Variants in UBA2 observed in about 807,000 individuals in gnomAD.
UBA2 encodes the protein ubiquitin like modifier activating enzyme 2, also known as SUMO-activating enzyme subunit 2.
Under a neutral mutation model 77.2 loss-of-function variants are expected in UBA2, and 11 were observed. That is an observed-to-expected ratio of 0.14 (90% CI 0.09 to 0.24). The LOEUF (loss-of-function observed/expected upper bound fraction) is 0.24. Ranked by LOEUF, UBA2 falls within the 10% of genes least tolerant of loss-of-function variation. The pLI is 1.00. For synonymous variants in UBA2, 278 were observed against 276.7 expected (o/e 1.00, Z -0.05); for missense variants, 487 against 781.7 (o/e 0.62, Z 4.50).
chr19:34,429,731 G>GA (rs1465569400), intron 1 of UBA2, among the ~76,000 whole-genome samples: 1 of 152,050 alleles, frequency 6.6e-6, no homozygotes, highest in Non-Finnish European at 1.5e-5. Flanking sequence ...AGCTACCCGG[G>GA]AGGCTGTGTC....
At chr19:34,447,224 C>T (rs2075441867) in intron 8 of UBA2, among the ~76,000 whole-genome samples, 1 of 152,096 alleles carries the variant, frequency 6.6e-6, no homozygotes, top group African/African-American at 2.4e-5. Context: ...GTTTTTCTGG[C>T]TGCTGTATAT....
At chr19:34,462,681 T>C (rs2075644572) in intron 14 of UBA2, among the ~76,000 whole-genome samples, 2 of 151,852 alleles carry the variant, frequency 1.3e-5, no homozygotes, top group East Asian at 1.9e-4. Context: ...ATATAGAAAA[T>C]TGGGCTTGGT....
At chr19:34,428,886 C>T in intron 1 of UBA2, 2 of 1,028,470 alleles carry the variant, frequency 1.9e-6, no homozygotes, top group Non-Finnish European at 2.3e-6. Flanking sequence ...AAAACAAATT[C>T]CCGGCTGTTA....
intron 8 of UBA2, among the ~76,000 whole-genome samples, chr19:34,446,465 C>T (rs993081144): frequency 6.6e-6 from 1 of 151,984 alleles, no homozygotes; most frequent in Admixed American, 6.6e-5. Context: ...TGTCTCGGAT[C>T]TTTTTTTTCT....
At chr19:34,447,158 A>G (rs1473999242) in intron 8 of UBA2, among the ~76,000 whole-genome samples, 1 of 152,294 alleles carries the variant, frequency 6.6e-6, no homozygotes, top group Admixed American at 6.5e-5. Context: ...GGCAGGAAGC[A>G]TCCAACATGG....
chr19:34,444,410 G>GT (rs1223743302), intron 7 of UBA2, among the ~76,000 whole-genome samples: 1 of 152,174 alleles, frequency 6.6e-6, no homozygotes, highest in Non-Finnish European at 1.5e-5. Flanking sequence ...GGAAATCAAG[G>GT]TTAAGAGAAA....
At chr19:34,459,012 G>A in intron 13 of UBA2, 88 bp downstream of exon 13, 1 of 1,363,492 alleles carries the variant, frequency 7.3e-7, no homozygotes, top group Non-Finnish European at 9.9e-7. Flanking sequence ...TTCTGAAAAG[G>A]TCCAACTGCA....
At chr19:34,456,041 T>C (rs1454169769) in intron 12 of UBA2, among the ~76,000 whole-genome samples, 1 of 150,610 alleles carries the variant, frequency 6.6e-6, no homozygotes, top group African/African-American at 2.4e-5. Flanking sequence ...CCCCCCAAAG[T>C]GCTGGGATTA....
chr19:34,451,357 A>G (rs915893060), intron 9 of UBA2, among the ~76,000 whole-genome samples: 2 of 152,022 alleles, frequency 1.3e-5, no homozygotes, highest in Non-Finnish European at 2.9e-5. Context: ...ACAATCAGGG[A>G]TAGTTATCAA....
chr19:34,435,293 G>T (rs2075296861), intron 5 of UBA2, among the ~76,000 whole-genome samples: 1 of 152,206 alleles, frequency 6.6e-6, no homozygotes, highest in African/African-American at 2.4e-5. Flanking sequence ...AGCTACTTGG[G>T]AGGCTGAGCC....
At chr19:34,438,827 T>G in intron 6 of UBA2, 61 bp downstream of exon 6, 1 of 1,590,860 alleles carries the variant, frequency 6.3e-7, no homozygotes, top group Admixed American at 1.7e-5. Flanking sequence ...GGAGTCATTT[T>G]TATTTAATTA....
At chr19:34,457,194 A>G (rs1223779902) in intron 12 of UBA2, among the ~76,000 whole-genome samples, 2 of 127,804 alleles carry the variant, frequency 1.6e-5, no homozygotes, top group Non-Finnish European at 3.2e-5. Flanking sequence ...ATATATATAT[A>G]TATATATATA....
intron 14 of UBA2, among the ~76,000 whole-genome samples, 173 bp downstream of exon 14, chr19:34,460,739 T>C (rs1568383871): frequency 6.6e-6 from 1 of 152,204 alleles, no homozygotes; most frequent in Non-Finnish European, 1.5e-5. Context: ...CTTCCATGTT[T>C]GGGAACTCCA....
In UBA2 at chr19:34,428,564, C is replaced by G. The variant is rs2075212569; in HGVS notation, c.132C>G (p.Ile44Met). ...TCGTGCTCACCGGTTTCTCCCACAT[C>G]GACCTGGTGAGGGCCGGGCGCGCGC... ...KNLVLTGFSH[I>M]DLIDLDTIDV... Residue 44 changes from isoleucine to methionine, a missense_variant, in exon 1 of 17, where the codon ATC (isoleucine) becomes ATG (methionine). Around this residue, in one of 9 missense-constraint regions of UBA2, gnomAD observed 19 missense variants for 17.7 expected, o/e 1.07. Coordinates refer to ENST00000246548, the MANE Select transcript of UBA2 (RefSeq NM_005499.3). 7.7e-7 allele frequency: 1 copy of G among 1,306,276 alleles called. No homozygotes were observed. The highest frequency in any genetic ancestry group is 3.2e-5 in the South Asian group (1 of 31,134). The allele number at this position is 1,306,276 out of a possible 1,614,324, so 80.9% of individuals were successfully genotyped here. A position where few individuals can be genotyped will look rare whatever the true frequency, so the allele number is the denominator to read the frequency against.
At chr19:34,467,168 AACCATGAAG>A in intron 16 of UBA2, 154 bp downstream of exon 16, 1 of 940,412 alleles carries the variant, frequency 1.1e-6, no homozygotes, top group Non-Finnish European at 1.5e-6. Flanking sequence ...TGAATTTATG[AACCATGAAG>A]ACATTTAAGG....
chr19:34,451,550 T>TG (rs1460224435), intron 9 of UBA2, among the ~76,000 whole-genome samples: 2 of 131,706 alleles, frequency 1.5e-5, no homozygotes, highest in Admixed American at 7.8e-5. Context: ...TTTTTTTTTT[T>TG]TTTTTTTTTT....
chr19:34,453,309 C>G (rs1033962822), intron 10 of UBA2, among the ~76,000 whole-genome samples: 3 of 152,074 alleles, frequency 2.0e-5, no homozygotes, highest in Admixed American at 2.0e-4. Context: ...AGGGTGATAT[C>G]TTCTCAGTTC....
chr19:34,429,072 C>T lies in UBA2; in HGVS notation c.138+502C>T, dbSNP rs2075221358. 8 of 985,050 alleles carry T rather than the reference C, an allele frequency of 8.1e-6. No individual in the cohort carries two copies. In the Admixed American group the frequency reaches 3.1e-4, roughly 38 times the overall value. 61.0% of individuals were successfully genotyped at this position (985,050 alleles called of 1,614,324 possible). ...CGGAACGCGCACCATCTTCATACCA[C>T]CCGAGGAGTGCAAACGCTATTTCCA... On this transcript the variant is annotated intron_variant, in intron 1 of 16. Transcript: ENST00000246548.
chr19:34,449,244 A>G (rs560673621), intron 8 of UBA2, among the ~76,000 whole-genome samples: 1 of 151,740 alleles, frequency 6.6e-6, no homozygotes, highest in Non-Finnish European at 1.5e-5. Flanking sequence ...TGATTTTTGT[A>G]TTTTTAGTAG....
Sources: gnomAD v4.1 joint callset for allele counts (sites outside exome capture counted in the v4.1 genomes callset) on GRCh38, gnomAD v4.1.1 for gene constraint, gnomAD v4.1.1 regional missense constraint, MANE v1.5 for transcripts, NCBI Gene and HGNC (gene_info 2026-07-23, HGNC 2026-07-21) for gene names.